The following AVEN variants were observed in gnomAD, a reference collection of about 807,000 sequenced individuals.
AVEN encodes cell death regulator Aven.
AVEN carries 41 observed loss-of-function variants against 38.1 expected under a neutral mutation model. The observed-to-expected ratio is 1.08, with a 90% CI of 0.84 to 1.40. The LOEUF (loss-of-function observed/expected upper bound fraction) is 1.40, where lower values mean the gene tolerates loss of function less well. AVEN is among the 40% of genes most tolerant of loss of function. AVEN has a pLI of 0.00. For synonymous variants in AVEN, 206 were observed against 171.8 expected, an observed-to-expected ratio of 1.20 and a Z score of -1.56; for missense variants, 605 against 438.8, an observed-to-expected ratio of 1.38 and a Z score of -3.38.
chr15:33,892,758 A>C (rs56220027), intron 2 of AVEN, among the ~76,000 whole-genome samples: 4,971 of 151,876 alleles, frequency 0.033, 161 homozygotes, highest in Non-Finnish European at 0.039. Context: ...AATTCTGTGA[A>C]GAAAGTCATT....
chr15:33,875,842 G>T, intron 3 of AVEN, 83 bp downstream of exon 3: 1 of 1,294,706 alleles, frequency 7.7e-7, no homozygotes, highest in Non-Finnish European at 1.1e-6. Flanking sequence ...TCTACATGAA[G>T]ACTCTATCTC....
At chr15:34,066,314 T>C (rs1441017540) in intron 3 of AVEN, 2 of 152,250 alleles carry the variant, frequency 1.3e-5, no homozygotes, top group Non-Finnish European at 2.9e-5. Flanking sequence ...CTTTGATTCC[T>C]GATAAAGATG....
At chr15:33,966,591 T>A (rs1424924688) in intron 2 of AVEN, among the ~76,000 whole-genome samples, 2 of 152,136 alleles carry the variant, frequency 1.3e-5, no homozygotes, top group Admixed American at 6.6e-5. Flanking sequence ...ATAATTTCCA[T>A]CTACACCCCT....
intron 2 of AVEN, among the ~76,000 whole-genome samples, chr15:33,967,486 T>C (rs917718497): frequency 1.3e-5 from 2 of 152,220 alleles, no homozygotes; most frequent in African/African-American, 4.8e-5. Flanking sequence ...CTTTAAAATA[T>C]TTTAGCAAAG....
intron 2 of AVEN, among the ~76,000 whole-genome samples, chr15:33,905,986 T>A (rs1892686439): frequency 6.6e-6 from 1 of 152,216 alleles, no homozygotes. Context: ...ATTTTCTCAG[T>A]ACCTCCTATA....
intron 2 of AVEN, among the ~76,000 whole-genome samples, chr15:33,954,104 A>G (rs1894860300): frequency 2.0e-5 from 3 of 152,242 alleles, no homozygotes; most frequent in African/African-American, 7.2e-5. Context: ...ACAATGAGAT[A>G]CCATCTCACG....
chr15:33,866,379 C>T lies in AVEN; in HGVS notation c.*234G>A. The stretch of plus-strand genomic sequence containing the variant: ...TAGAAACAAGGGCCAGAGTCTATCT[C>T]CTGCCCTTAAGGAAATCTATTAGAT... On this transcript the variant is annotated 3_prime_UTR_variant, in exon 6 of 6. Coordinates refer to ENST00000306730, the MANE Select transcript of AVEN (RefSeq NM_020371.3). The T allele has an allele frequency of 1.8e-6, 1 of 556,264 alleles. No individual in the cohort carries two copies. Among genetic ancestry groups the T allele is most frequent in the South Asian group, 2.3e-5 (1 of 42,632 alleles). 34.5% of individuals were successfully genotyped at this position (556,264 alleles called of 1,614,324 possible).
rs180781434 is a variant in AVEN, at chr15:33,910,263, G to A, written c.446-34268C>T. Among the ~76,000 whole-genome samples, 55 of 152,230 alleles carry A rather than the reference G, an allele frequency of 3.6e-4. No individual in the cohort carries two copies. In the East Asian group the frequency reaches 9.3e-3, roughly 26 times the overall value. Reference sequence around the variant, plus strand: ...CTTTCAATGGGGAGCTAAAAGAAGTGTGAAAAAACAAGAGGGGAAGGTGTG... The same window carrying A: ...CTTTCAATGGGGAGCTAAAAGAAGTATGAAAAAACAAGAGGGGAAGGTGTG... On this transcript the variant is annotated intron_variant, in intron 2 of 5. Coordinates refer to ENST00000306730, the MANE Select transcript of AVEN (RefSeq NM_020371.3).
At chr15:33,858,147 A>T, downstream of AVEN, 1 of 557,336 alleles carries the variant, frequency 1.8e-6, no homozygotes, top group South Asian at 2.4e-5. Flanking sequence ...CCCCGTGGAA[A>T]GGGAAGCACC....
Position 33,875,985 on chromosome 15 carries a change from G to T in AVEN, c.456C>A (p.Phe152Leu). Residue 152 changes from phenylalanine to leucine, a missense_variant, in exon 3 of 6, where the codon TTC becomes TTA. Physicochemically the swap from Phe to Leu is conservative, Grantham distance 22 (BLOSUM62 0). Coordinates refer to ENST00000306730, the MANE Select transcript of AVEN (RefSeq NM_020371.3). ...SVLLSSAGDS[F>L]SQFRFAEEKE... Reference sequence around the variant, plus strand: ...TCTCCTCAGCAAACCGGAACTGTGAGAATGAGTCCCCTAGGAATAGGAAAA... The same window carrying T: ...TCTCCTCAGCAAACCGGAACTGTGATAATGAGTCCCCTAGGAATAGGAAAA... 6.2e-7 allele frequency: 1 copy of T among 1,611,948 alleles called. No homozygotes were observed.
At chr15:33,973,588 TC>T (rs1354531280) in intron 2 of AVEN, among the ~76,000 whole-genome samples, 1 of 152,102 alleles carries the variant, frequency 6.6e-6, no homozygotes, top group Non-Finnish European at 1.5e-5. Context: ...CAACCTGTAA[TC>T]CCAGCACTCT....
At chr15:33,983,158 G>GTGTGTATA (rs1373777751) in intron 2 of AVEN, among the ~76,000 whole-genome samples, 13 of 136,328 alleles carry the variant, frequency 9.5e-5, no homozygotes, top group African/African-American at 3.7e-4. Flanking sequence ...GTGTGTGTGT[G>GTGTGTATA]TATGTGTGTG....
chr15:33,993,672 T>C (rs1390632207), intron 2 of AVEN, among the ~76,000 whole-genome samples: 1 of 152,062 alleles, frequency 6.6e-6, no homozygotes, highest in Non-Finnish European at 1.5e-5. Flanking sequence ...TAAATAACAA[T>C]CATCCAGGCC....
At chr15:33,913,525 A>G (rs1282394659) in intron 2 of AVEN, among the ~76,000 whole-genome samples, 1 of 152,194 alleles carries the variant, frequency 6.6e-6, no homozygotes, top group African/African-American at 2.4e-5. Context: ...ACCTTGCAGT[A>G]TTTCCTAAGA....
intron 2 of AVEN, among the ~76,000 whole-genome samples, chr15:33,907,918 T>C (rs1308247132): frequency 1.3e-5 from 2 of 151,870 alleles, no homozygotes; most frequent in Non-Finnish European, 2.9e-5. Flanking sequence ...ATAAACACAA[T>C]ACAAAATGCA....
At chr15:34,026,184 A>T (rs1898462517) in intron 1 of AVEN, among the ~76,000 whole-genome samples, 1 of 149,684 alleles carries the variant, frequency 6.7e-6, no homozygotes, top group Non-Finnish European at 1.5e-5. Context: ...ACATATTGTC[A>T]TTTTTTTTTT....
chr15:33,872,322 C>CTAT (rs1891003992), intron 3 of AVEN, among the ~76,000 whole-genome samples: 1 of 152,178 alleles, frequency 6.6e-6, no homozygotes, highest in Non-Finnish European at 1.5e-5. Flanking sequence ...TGTATAAAGG[C>CTAT]ACACTCTTTA....
Position 33,867,482 on chromosome 15 carries a change from A to G in AVEN, c.973+13T>C. 1 of 1,547,034 alleles carries G rather than the reference A, an allele frequency of 6.5e-7. No homozygotes were observed. The highest frequency in any genetic ancestry group is 8.7e-7 in the Non-Finnish European group (1 of 1,151,798). On this transcript the variant is annotated intron_variant, in intron 5 of 5. Transcript: ENST00000306730. ...AGAATCAAGATTCACGGGGAATAAAATGAAAGCCATACCTTCTTCCTCTTG... is the reference window on the plus strand; with the variant it reads ...AGAATCAAGATTCACGGGGAATAAAGTGAAAGCCATACCTTCTTCCTCTTG...
exon 2 of AVEN, among the ~76,000 whole-genome samples, chr15:34,070,633 T>C (rs504813): frequency 0.97 from 147,954 of 152,206 alleles, 72,047 homozygotes; most frequent in East Asian, 1. Context: ...AGCTCTCCAT[T>C]GAGCTAAGGA....
Sources: allele counts gnomAD v4.1 joint callset (sites outside exome capture counted in the v4.1 genomes callset), GRCh38; gene constraint gnomAD v4.1.1; transcripts MANE v1.5; gene names NCBI Gene and HGNC (gene_info 2026-07-23, HGNC 2026-07-21).